MAP3K13: variants seen among roughly 807,000 people sequenced by gnomAD.
MAP3K13 encodes leucine zipper-bearing kinase.
MAP3K13 carries 52 observed loss-of-function variants against 104.0 expected under a neutral mutation model. That is an observed-to-expected ratio of 0.50 (90% CI 0.40 to 0.63). MAP3K13 has a LOEUF of 0.63. MAP3K13 is among the 20% of genes least tolerant of loss of function. The probability of loss-of-function intolerance (pLI) is 0.00; values close to 1 mark genes in which losing one functional copy is unlikely to be tolerated. For synonymous variants in MAP3K13, 394 were observed against 442.2 expected (o/e 0.89, Z 1.37); for missense variants, 914 against 1,218.5 (o/e 0.75, Z 3.72).
chr3:185,426,073 C>T (rs143027231), intron 1 of MAP3K13, among the ~76,000 whole-genome samples: 5 of 138,332 alleles, frequency 3.6e-5, no homozygotes, highest in South Asian at 2.6e-4. Flanking sequence ...CTCCCTCTCC[C>T]TCTTCTCCTT....
chr3:185,370,515 G>A (rs1199632629), intron 1 of MAP3K13, among the ~76,000 whole-genome samples: 2 of 152,194 alleles, frequency 1.3e-5, no homozygotes, highest in African/African-American at 4.8e-5. Flanking sequence ...TATTTTTATA[G>A]AAATTTAGCC....
intron 1 of MAP3K13, chr3:185,283,229 C>G (rs1426357796): frequency 6.6e-6 from 1 of 152,204 alleles, no homozygotes; most frequent in Non-Finnish European, 1.5e-5. Flanking sequence ...TCTTGGGGCC[C>G]GAAGTCGTCG....
intron 2 of MAP3K13, among the ~76,000 whole-genome samples, chr3:185,346,179 C>T (rs1030833220): frequency 2.0e-5 from 3 of 152,098 alleles, no homozygotes; most frequent in Admixed American, 6.5e-5. Flanking sequence ...CCCAATAACG[C>T]GTTTTCTTAA....
At chr3:185,338,607 CATTA>C (rs2108717145) in intron 2 of MAP3K13, among the ~76,000 whole-genome samples, 1 of 152,232 alleles carries the variant, frequency 6.6e-6, no homozygotes, top group South Asian at 2.1e-4. Context: ...AAGTTGCCTT[CATTA>C]TATAACATTA....
At chr3:185,431,542 T>G (rs972777139) in intron 2 of MAP3K13, among the ~76,000 whole-genome samples, 2 of 152,212 alleles carry the variant, frequency 1.3e-5, no homozygotes, top group Admixed American at 1.3e-4. Context: ...CTTTGTGGCC[T>G]TATGTAAATG....
At chr3:185,417,983 T>C (rs190742785) in intron 1 of MAP3K13, 7 of 1,610,422 alleles carry the variant, frequency 4.3e-6, no homozygotes, top group Non-Finnish European at 5.9e-6. Context: ...TTACGCCAAG[T>C]GCCATACAAT....
chr3:185,289,183 A>T (rs952854614), intron 2 of MAP3K13, among the ~76,000 whole-genome samples: 1 of 152,188 alleles, frequency 6.6e-6, no homozygotes, highest in Admixed American at 6.5e-5. Flanking sequence ...AACTATTAAT[A>T]GTTAGCAGTG....
chr3:185,451,514 T>C, intron 7 of MAP3K13, 119 bp downstream of exon 7: 1 of 666,150 alleles, frequency 1.5e-6, no homozygotes, highest in Non-Finnish European at 2.7e-6. Flanking sequence ...CTCCATTCAT[T>C]GTGACACAAT....
intron 2 of MAP3K13, among the ~76,000 whole-genome samples, chr3:185,298,684 T>C (rs1720998654): frequency 6.6e-6 from 1 of 152,230 alleles, no homozygotes; most frequent in African/African-American, 2.4e-5. Flanking sequence ...TCACCGTATC[T>C]TCCAGCATAA....
chr3:185,348,625 T>C (rs553499697), intron 2 of MAP3K13, among the ~76,000 whole-genome samples: 25 of 152,130 alleles, frequency 1.6e-4, no homozygotes, highest in Non-Finnish European at 1.3e-4. Flanking sequence ...GGAGTGGCTA[T>C]AAGATAGGCC....
At chr3:185,304,688 C>G (rs1721219414) in intron 2 of MAP3K13, among the ~76,000 whole-genome samples, 1 of 152,010 alleles carries the variant, frequency 6.6e-6, no homozygotes, top group South Asian at 2.1e-4. Context: ...GGCTGGAGTA[C>G]AGTGGCGCGA....
At chr3:185,420,430 C>G (rs1714049522) in intron 1 of MAP3K13, among the ~76,000 whole-genome samples, 1 of 152,108 alleles carries the variant, frequency 6.6e-6, no homozygotes, top group African/African-American at 2.4e-5. Context: ...TTACTATGCA[C>G]AAGTAAAGTA....
chr3:185,384,764 T>C (rs962590231), intron 1 of MAP3K13, among the ~76,000 whole-genome samples: 1 of 152,238 alleles, frequency 6.6e-6, no homozygotes, highest in African/African-American at 2.4e-5. Flanking sequence ...GAGAAATGTC[T>C]ATTCAGATCC....
intron 1 of MAP3K13, among the ~76,000 whole-genome samples, chr3:185,400,945 C>G (rs1470447052): frequency 8.8e-6 from 1 of 113,592 alleles, no homozygotes; most frequent in South Asian, 3.0e-4. Context: ...TCTGCTAATA[C>G]TGTCTTTAAC....
intron 2 of MAP3K13, among the ~76,000 whole-genome samples, chr3:185,332,606 A>G (rs956054807): frequency 1.3e-5 from 2 of 152,202 alleles, no homozygotes; most frequent in Non-Finnish European, 2.9e-5. Context: ...TCAATGAATG[A>G]CTAGTAGCTA....
At chr3:185,361,478 G>T (rs1429732796), upstream of MAP3K13, among the ~76,000 whole-genome samples, 2 of 151,016 alleles carry the variant, frequency 1.3e-5, no homozygotes, top group African/African-American at 4.9e-5. Context: ...TCGGCTCACT[G>T]CAAGCTCCGC....
At chr3:185,454,928 T>C (rs569860063) in intron 7 of MAP3K13, among the ~76,000 whole-genome samples, 44 of 97,836 alleles carry the variant, frequency 4.5e-4, no homozygotes, top group African/African-American at 1.5e-3. Flanking sequence ...GAGATATATA[T>C]ATGATATATA....
chr3:185,453,992 T>C (rs868416726), intron 7 of MAP3K13, among the ~76,000 whole-genome samples: 10 of 42,284 alleles, frequency 2.4e-4, no homozygotes, highest in African/African-American at 7.1e-4. Flanking sequence ...GATATATATA[T>C]GATACATATA....
chr3:185,302,037 C>T (rs1721125908), intron 2 of MAP3K13, among the ~76,000 whole-genome samples: 1 of 151,818 alleles, frequency 6.6e-6, no homozygotes, highest in Admixed American at 6.6e-5. Flanking sequence ...TTGCGTGAAT[C>T]TGTAGGTCAC....
Sources: gnomAD v4.1 joint callset for allele counts (sites outside exome capture counted in the v4.1 genomes callset) on GRCh38, gnomAD v4.1.1 for gene constraint, MANE v1.5 for transcripts, NCBI Gene and HGNC (gene_info 2026-07-23, HGNC 2026-07-21) for gene names.